ORC1: variants seen among roughly 807,000 people sequenced by gnomAD.
The protein encoded by ORC1 is origin recognition complex subunit 1, also known as origin recognition complex, subunit 1 homolog.
A neutral mutation model predicts 98.9 loss-of-function variants in ORC1; 61 were observed. That is an observed-to-expected ratio of 0.62 (90% CI 0.50 to 0.76). ORC1 has a LOEUF of 0.76. ORC1 is among the 30% of genes least tolerant of loss of function. The probability of loss-of-function intolerance (pLI) is 0.00; values close to 1 mark genes in which losing one functional copy is unlikely to be tolerated. For synonymous variants in ORC1, 385 were observed against 406.9 expected, an observed-to-expected ratio of 0.95 and a Z score of 0.65; for missense variants, 979 against 1,072.2, an observed-to-expected ratio of 0.91 and a Z score of 1.21.
intron 14 of ORC1, among the ~76,000 whole-genome samples, chr1:52,380,644 G>C (rs1034466852): frequency 6.6e-6 from 1 of 151,298 alleles, no homozygotes; most frequent in African/African-American, 2.4e-5. Flanking sequence ...GCAGTGAGCT[G>C]AGATCACGCC....
intron 13 of ORC1, 131 bp from the exon 14 acceptor site, chr1:52,381,892 C>T (rs1647075382): frequency 1.2e-6 from 1 of 833,972 alleles, no homozygotes; most frequent in East Asian, 2.5e-5. Context: ...CATACCTAGA[C>T]TACCACTGCC....
Position 52,384,559 on chromosome 1 carries a change from T to C in ORC1, c.1746A>G (p.Gln582=). The change falls in exon 11 of 17, where the codon CAA becomes CAG. Residue 582 remains glutamine, a synonymous_variant. Coordinates refer to ENST00000371568, the MANE Select transcript of ORC1 (RefSeq NM_004153.4). Reference sequence around the variant, plus strand: ...AAACAGCTCTGCTTACCTGCAAGATTTGCACATAGACTTGGTGGGGCTCCG... The same window carrying C: ...AAACAGCTCTGCTTACCTGCAAGATCTGCACATAGACTTGGTGGGGCTCCG... The part of the protein sequence containing the change: ...KLTEPHQVYV[Q]ILQKLTGQKA... The C allele has an allele frequency of 6.2e-7, 1 of 1,614,100 alleles. No individual in the cohort carries two copies.
chr1:52,383,368 G>C, intron 13 of ORC1, 52 bp downstream of exon 13: 1 of 1,607,476 alleles, frequency 6.2e-7, no homozygotes, highest in Non-Finnish European at 8.5e-7. Flanking sequence ...AGAACTTCTT[G>C]GCCAAGCTTA....
chr1:52,383,698 A>G, intron 12 of ORC1, 129 bp from the exon 13 acceptor site: 1 of 1,300,220 alleles, frequency 7.7e-7, no homozygotes, highest in Non-Finnish European at 1.1e-6. Flanking sequence ...ATCCATTGAC[A>G]CACGCCTCTC....
At chr1:52,392,585 TATTAAAAAAAAG>T (rs1647242335) in intron 6 of ORC1, among the ~76,000 whole-genome samples, 1 of 152,154 alleles carries the variant, frequency 6.6e-6, no homozygotes, top group Non-Finnish European at 1.5e-5. Flanking sequence ...GAAGTCATTA[TATTAAAAAAAAG>T]ACACATGCAC....
intron 14 of ORC1, among the ~76,000 whole-genome samples, chr1:52,376,001 C>A (rs1040367453): frequency 6.6e-6 from 1 of 152,192 alleles, no homozygotes; most frequent in African/African-American, 2.4e-5. Flanking sequence ...GGAGATAAAG[C>A]CATAGCCAGG....
At chr1:52,406,441 T>TGG (rs1648000254), upstream of ORC1, among the ~76,000 whole-genome samples, 1 of 152,214 alleles carries the variant, frequency 6.6e-6, no homozygotes, top group Non-Finnish European at 1.5e-5. Context: ...CACTGGACGC[T>TGG]CAGGGGTGAA....
chr1:52,383,763 TC>T, intron 12 of ORC1, 66 bp downstream of exon 12: 5 of 1,426,940 alleles, frequency 3.5e-6, no homozygotes, highest in Non-Finnish European at 4.9e-6. Context: ...CTTTCCTCCC[TC>T]CCATCCAGCA....
chr1:52,381,814 C>G, intron 13 of ORC1, 53 bp from the exon 14 acceptor site: 1 of 1,604,756 alleles, frequency 6.2e-7, no homozygotes, highest in Non-Finnish European at 8.5e-7. Context: ...CAGTGATTAT[C>G]CAGGTGGAAA....
chr1:52,399,006 G>A (rs1004327881), intron 3 of ORC1, among the ~76,000 whole-genome samples: 3 of 152,106 alleles, frequency 2.0e-5, no homozygotes, highest in African/African-American at 7.2e-5. Context: ...ACCAACTGCA[G>A]CAATCTAATT....
intron 6 of ORC1, among the ~76,000 whole-genome samples, chr1:52,390,246 A>G (rs1385634418): frequency 6.6e-6 from 1 of 152,242 alleles, no homozygotes; most frequent in Non-Finnish European, 1.5e-5. Context: ...ACAAAGCAAT[A>G]CTAAGCAAAA....
rs150460375 is a variant in ORC1 at position 52,383,479 on chromosome 1, T to A, written c.1954A>T (p.Ile652Phe). ...TCTGGCAGGTCCATTGTGTTGGCAA[T>A]TGCCAGGACCACAAGCCGGGCCTCC... ...HKEARLVVLA[I>F]ANTMDLPERI... Residue 652 changes from isoleucine (I) to phenylalanine (F), a missense_variant, in exon 13 of 17, where the codon ATT (isoleucine) becomes TTT (phenylalanine). Transcript: ENST00000371568. The A allele has an allele frequency of 6.2e-7, 1 of 1,613,568 alleles. No individual in the cohort carries two copies. Among genetic ancestry groups the A allele is most frequent in the East Asian group, 2.2e-5 (1 of 44,886 alleles).
At chr1:52,401,095 T>C (rs1040056707) in intron 3 of ORC1, among the ~76,000 whole-genome samples, 2 of 150,452 alleles carry the variant, frequency 1.3e-5, no homozygotes, top group African/African-American at 4.9e-5. Context: ...ATTCTCTCCA[T>C]CCCCCCCAAT....
rs780363733 is a variant in ORC1, at chr1:52,385,952, G to A, written c.1384-3C>T. On this transcript the variant is annotated splice_polypyrimidine_tract_variant and splice_region_variant and intron_variant, in intron 8 of 16. Coordinates refer to ENST00000371568, the MANE Select transcript of ORC1 (RefSeq NM_004153.4). ...CAACGTGGCGTTCTAGGCTTGAGCT[G>A]TATTGAAAACAAAGAACATATTTCA... 3.1e-6 allele frequency: 5 copies of A among 1,610,672 alleles called. No individual in the cohort carries two copies. In the South Asian group the frequency reaches 4.4e-5, roughly 14 times the overall value.
chr1:52,396,301 C>A lies in ORC1; in HGVS notation c.466G>T (p.Val156Leu). ...TNLKNEKTLF[V>L]KLSWNEKKFR... ...TTCTTCTCATTCCAGGATAGTTTCA[C>A]AAAGAGTGTCTTCTCATTTTTCAGA... is the stretch of plus-strand genomic sequence containing the variant. Residue 156 changes from valine (V) to leucine (L), a missense_variant, in exon 5 of 17, where the codon GTG (valine) becomes TTG (leucine). Transcript: ENST00000371568. 6.2e-7 allele frequency: 1 copy of A among 1,614,134 alleles called. No individual in the cohort carries two copies. Among genetic ancestry groups the A allele is most frequent in the Non-Finnish European group, 8.5e-7 (1 of 1,180,020 alleles).
Position 52,393,531 on chromosome 1 carries a change from C to A in ORC1, c.994G>T (p.Glu332Ter), listed in dbSNP as rs1473850973. 2 of 1,614,160 alleles carry A rather than the reference C, an allele frequency of 1.2e-6. No homozygotes were observed. Residue 332 changes from glutamate (E) to a stop codon, truncating the protein, a stop_gained, in exon 6 of 17, where the codon GAG (glutamate) becomes TAG (stop). Transcript: ENST00000371568. LOFTEE classifies it high-confidence loss of function. ...IAASKTIDIREERTLTPISGG... is the reference protein window; with the variant it reads ...IAASKTIDIR ...CTGATAGGGGTAAGTGTTCTCTCCT[C>A]TCTAATGTCTATGGTTTTCGAAGCT... is the stretch of plus-strand genomic sequence containing the variant.
intron 13 of ORC1, among the ~76,000 whole-genome samples, chr1:52,382,160 T>C (rs145289009): frequency 0.012 from 1,882 of 152,082 alleles, 34 homozygotes; most frequent in African/African-American, 0.043. Flanking sequence ...TTTGTATTTT[T>C]AGTAGGGACA....
chr1:52,385,531 T>C (rs1557575404), intron 9 of ORC1, among the ~76,000 whole-genome samples: 1 of 152,178 alleles, frequency 6.6e-6, no homozygotes, highest in South Asian at 2.1e-4. Flanking sequence ...TCCAGACTTA[T>C]ATGAAAGTCT....
intron 7 of ORC1, 42 bp from the exon 8 acceptor site, chr1:52,388,679 T>C (rs1569932819): frequency 6.5e-7 from 1 of 1,540,060 alleles, no homozygotes; most frequent in Non-Finnish European, 9.0e-7. Flanking sequence ...AGTGTTCAAG[T>C]CTAAATAAGA....
Sources: gnomAD v4.1 joint callset for allele counts (sites outside exome capture counted in the v4.1 genomes callset) on GRCh38, gnomAD v4.1.1 for gene constraint, MANE v1.5 for transcripts, NCBI Gene and HGNC (gene_info 2026-07-23, HGNC 2026-07-21) for gene names.